ST6GAL2: variants seen among roughly 807,000 people sequenced by gnomAD.
The protein encoded by ST6GAL2 is beta-galactoside alpha-2,6-sialyltransferase 2.
Under a neutral mutation model 37.5 loss-of-function variants are expected in ST6GAL2, and 24 were observed. The ratio of observed to expected loss-of-function variants is 0.64; its 90% confidence interval spans 0.46 to 0.90. The LOEUF is 0.90. ST6GAL2 is among the 40% of genes least tolerant of loss of function. The pLI, the probability that ST6GAL2 is intolerant of heterozygous loss-of-function variation, is 0.00. For synonymous variants in ST6GAL2, 306 were observed against 295.1 expected (o/e 1.04, Z -0.38); for missense variants, 715 against 712.7 (o/e 1.00, Z -0.04).
chr2:106,874,889 T>G (rs1057110822), intron 1 of ST6GAL2, among the ~76,000 whole-genome samples: 2 of 152,226 alleles, frequency 1.3e-5, no homozygotes, highest in Admixed American at 1.3e-4. Context: ...GGCAGCTTCC[T>G]CTTCAGGAAA....
intron 2 of ST6GAL2, 127 bp from the exon 3 acceptor site, chr2:106,834,273 C>T (rs1573239772): frequency 3.9e-6 from 2 of 515,888 alleles, no homozygotes; most frequent in East Asian, 8.6e-5. Flanking sequence ...TTAAGATATG[C>T]CCACATGATT....
Position 106,873,899 on chromosome 2 carries a change from A to G in ST6GAL2, c.-58+12194T>C, listed in dbSNP as rs187633451. The stretch of plus-strand genomic sequence containing the variant: ...AGAATGTTCTGTTTATAAATAGATC[A>G]CTAGAATTTGAGGAGCTCTATTCAT... On this transcript the variant is annotated intron_variant, in intron 1 of 5. Coordinates refer to ENST00000409382, the MANE Select transcript of ST6GAL2 (RefSeq NM_001142351.2). 5.5e-3 allele frequency among the ~76,000 whole-genome samples: 831 copies of G among 152,356 alleles called. 5 individuals are homozygous for G. The highest frequency in any genetic ancestry group is 0.018 in the African/African-American group (753 of 41,590).
intron 5 of ST6GAL2, chr2:106,813,024 T>C: frequency 8.1e-7 from 1 of 1,227,288 alleles, no homozygotes; most frequent in Non-Finnish European, 1.0e-6. Flanking sequence ...AGACACGTTT[T>C]AATGTATTTT....
intron 1 of ST6GAL2, among the ~76,000 whole-genome samples, chr2:106,877,330 G>A (rs890540038): frequency 1.3e-5 from 2 of 152,228 alleles, no homozygotes; most frequent in African/African-American, 4.8e-5. Context: ...ATTACATGGA[G>A]CTGACAATGT....
intron 4 of ST6GAL2, among the ~76,000 whole-genome samples, chr2:106,830,773 G>A (rs895085011): frequency 3.3e-5 from 5 of 152,098 alleles, no homozygotes; most frequent in Non-Finnish European, 7.4e-5. Context: ...AAATTGTATC[G>A]TTGCTGCTTG....
chr2:106,864,523 A>T (rs1459150177), intron 1 of ST6GAL2, among the ~76,000 whole-genome samples: 1 of 152,238 alleles, frequency 6.6e-6, no homozygotes, highest in Non-Finnish European at 1.5e-5. Context: ...CACATTTCCC[A>T]TTCGAGAAGG....
chr2:106,872,428 C>G (rs1678308983), intron 1 of ST6GAL2, among the ~76,000 whole-genome samples: 1 of 152,198 alleles, frequency 6.6e-6, no homozygotes, highest in South Asian at 2.1e-4. Flanking sequence ...CATGAAGTCA[C>G]TGAAGTCCTT....
At chr2:106,874,131 A>C (rs1678397202) in intron 1 of ST6GAL2, among the ~76,000 whole-genome samples, 1 of 152,200 alleles carries the variant, frequency 6.6e-6, no homozygotes, top group South Asian at 2.1e-4. Context: ...GGCTGCCTGC[A>C]AGGAACTTAC....
Position 106,834,145 on chromosome 2 carries a change from A to G in ST6GAL2, c.945T>C (p.Asp315=). Residue 315 remains aspartate (D), a splice_region_variant and synonymous_variant, in exon 3 of 6, where the codon GAT becomes GAC. Coordinates refer to ENST00000409382, the MANE Select transcript of ST6GAL2 (RefSeq NM_001142351.2). ...ILNSSLGEEI[D]SHDAVLRFNS... ...TAAATCTCAAAACCGCATCATGAGA[A>G]TCTAAGGGCACATAAGTGACAAGCT... 6.2e-7 allele frequency: 1 copy of G among 1,608,292 alleles called. No homozygotes were observed. Among genetic ancestry groups the G allele is most frequent in the Non-Finnish European group, 8.5e-7 (1 of 1,175,158 alleles).
chr2:106,856,858 C>A (rs1241389058), intron 1 of ST6GAL2, among the ~76,000 whole-genome samples: 1 of 152,086 alleles, frequency 6.6e-6, no homozygotes, highest in African/African-American at 2.4e-5. Context: ...GATATTCTAC[C>A]AATTTGTTCA....
chr2:106,861,008 C>T lies in ST6GAL2; in HGVS notation c.-57-16974G>A, dbSNP rs375272752. On this transcript the variant is annotated intron_variant, in intron 1 of 5. Transcript: ENST00000409382. Reference sequence around the variant, plus strand: ...GTCTAACACACTTAGGAGGCACCCCCGCCAAATGCCGGAAACCTGAATCTG... The same window carrying T: ...GTCTAACACACTTAGGAGGCACCCCTGCCAAATGCCGGAAACCTGAATCTG... Among the ~76,000 whole-genome samples the T allele has an allele frequency of 7.2e-5, 11 of 152,258 alleles. No individual in the cohort carries two copies. In the South Asian group the frequency reaches 1.9e-3, roughly 26 times the overall value.
intron 5 of ST6GAL2, among the ~76,000 whole-genome samples, chr2:106,815,632 T>A (rs1249112078): frequency 6.6e-6 from 1 of 152,194 alleles, no homozygotes. Context: ...TAGTAAACAT[T>A]AGTTATTGTG....
intron 1 of ST6GAL2, among the ~76,000 whole-genome samples, chr2:106,864,864 A>T (rs148210748): frequency 7.9e-5 from 12 of 152,290 alleles, no homozygotes; most frequent in Non-Finnish European, 1.6e-4. Flanking sequence ...TCCAAAAGGA[A>T]CTCCGACAGT....
intron 3 of ST6GAL2, among the ~76,000 whole-genome samples, chr2:106,833,440 T>C (rs1217673794): frequency 1.3e-5 from 2 of 152,210 alleles, no homozygotes; most frequent in Non-Finnish European, 2.9e-5. Flanking sequence ...AGCTAATCTT[T>C]TGTTCTGTAA....
At chr2:106,864,593 T>C (rs1238637834) in intron 1 of ST6GAL2, among the ~76,000 whole-genome samples, 3 of 152,336 alleles carry the variant, frequency 2.0e-5, no homozygotes, top group East Asian at 1.9e-4. Context: ...CCAACATAAG[T>C]TTTTTTCATT....
chr2:106,812,873 C>T (rs907877378), intron 5 of ST6GAL2, among the ~76,000 whole-genome samples: 1 of 152,122 alleles, frequency 6.6e-6, no homozygotes, highest in African/African-American at 2.4e-5. Context: ...CAGTAAAGGA[C>T]AGCTTTTAAA....
At chr2:106,833,188 CTT>C (rs35648777) in intron 3 of ST6GAL2, among the ~76,000 whole-genome samples, 18 of 148,562 alleles carry the variant, frequency 1.2e-4, no homozygotes, top group Admixed American at 6.0e-4. Context: ...TTTTAAGATA[CTT>C]TTTTTTTTTA....
At chr2:106,835,477 T>C (rs1415664748) in intron 2 of ST6GAL2, among the ~76,000 whole-genome samples, 1 of 152,204 alleles carries the variant, frequency 6.6e-6, no homozygotes, top group African/African-American at 2.4e-5. Context: ...AAAATTCAAA[T>C]TCCAGCTTTA....
chr2:106,845,693 C>T (rs1677115584), intron 1 of ST6GAL2, among the ~76,000 whole-genome samples: 1 of 152,190 alleles, frequency 6.6e-6, no homozygotes, highest in Non-Finnish European at 1.5e-5. Flanking sequence ...ACGTGCTAAA[C>T]TAAGAAAACT....
Sources: allele counts gnomAD v4.1 joint callset (sites outside exome capture counted in the v4.1 genomes callset), GRCh38; gene constraint gnomAD v4.1.1; transcripts MANE v1.5; gene names NCBI Gene and HGNC (gene_info 2026-07-23, HGNC 2026-07-21).